Variants in DMD observed in about 807,000 individuals in gnomAD.
DMD encodes the protein mutant dystrophin.
Under a neutral mutation model 330.1 loss-of-function variants are expected in DMD, and 63 were observed. The observed-to-expected ratio is 0.19, with a 90% CI of 0.16 to 0.24. The LOEUF is 0.24. Ranked by LOEUF, DMD falls within the 10% of genes least tolerant of loss-of-function variation. DMD has a pLI of 1.00. For missense variants in DMD, 3,344 were observed against 2,684.1 expected (o/e 1.25, Z -5.43); for synonymous variants, 1,223 against 959.8 (o/e 1.27, Z -5.07).
intron 44 of DMD, among the ~76,000 whole-genome samples, chrX:31,971,232 G>A (rs2095396371): frequency 8.9e-6 from 1 of 111,911 alleles, no homozygotes; most frequent in Non-Finnish European, 1.9e-5. Flanking sequence ...AATTCTTATT[G>A]CTGCTTATAA....
At chrX:31,434,418 G>GCGCACACACACA (rs1195150508) in intron 60 of DMD, among the ~76,000 whole-genome samples, 1 of 78,046 alleles carries the variant, frequency 1.3e-5, no homozygotes, top group Non-Finnish European at 2.6e-5. Flanking sequence ...CAGCGCGCGC[G>GCGCACACACACA]CACACACACA....
chrX:32,922,389 T>C (rs962020526), intron 2 of DMD, among the ~76,000 whole-genome samples: 1 of 111,722 alleles, frequency 9.0e-6, no homozygotes, highest in Non-Finnish European at 1.9e-5. Flanking sequence ...TTTATGTGTT[T>C]ACTTAGAGGA....
chrX:31,480,613 T>C (rs982612401), intron 57 of DMD, among the ~76,000 whole-genome samples: 1 of 107,943 alleles, frequency 9.3e-6, no homozygotes, highest in African/African-American at 3.4e-5. Context: ...TGTTGTATTC[T>C]TGTGTTTTTT....
At chrX:32,619,844 A>G (rs2057860863) in intron 11 of DMD, among the ~76,000 whole-genome samples, 1 of 111,962 alleles carries the variant, frequency 8.9e-6, no homozygotes, top group Non-Finnish European at 1.9e-5. Context: ...ACTGGAAGAA[A>G]AAAGGAAGAG....
chrX:31,447,260 A>AT lies in DMD; in HGVS notation c.8938-2634dup, dbSNP rs72227601. Reference sequence around the variant, plus strand: ...TTAAACTTTACCATAAGATCTTGGGATTTTTTTTTTTTTTTTTTTTTTTTT... The same window carrying AT: ...TTAAACTTTACCATAAGATCTTGGGATTTTTTTTTTTTTTTTTTTTTTTTTT... On this transcript the variant is annotated intron_variant, in intron 59 of 78. Coordinates refer to ENST00000357033, the MANE Select transcript of DMD (RefSeq NM_004006.3). 6.1e-3 allele frequency among the ~76,000 whole-genome samples: 322 copies of AT among 52,454 alleles called. 3 individuals are homozygous for AT. Among genetic ancestry groups the AT allele is most frequent in the Middle Eastern group, 0.022 (1 of 45 alleles). The allele number at this position is 52,454 out of a possible 115,157, so 45.5% of individuals were successfully genotyped here.
intron 9 of DMD, among the ~76,000 whole-genome samples, chrX:32,649,559 T>TAAA (rs1161462889): frequency 8.1e-4 from 44 of 54,250 alleles, no homozygotes; most frequent in Non-Finnish European, 1.2e-3. Context: ...CCGTCTCTTT[T>TAAA]AAAAAAAAAA....
At chrX:31,715,164 G>T (rs2084927676) in intron 52 of DMD, among the ~76,000 whole-genome samples, 1 of 103,754 alleles carries the variant, frequency 9.6e-6, no homozygotes, top group Non-Finnish European at 1.9e-5. Context: ...ATAAGAAAAA[G>T]AAAGTTTTAT....
chrX:32,907,266 T>G (rs1337998498), intron 2 of DMD, among the ~76,000 whole-genome samples: 1 of 112,459 alleles, frequency 8.9e-6, no homozygotes, highest in East Asian at 2.8e-4. Context: ...ATATTGGTAT[T>G]CACATAACTG....
At chrX:31,344,811 C>T (rs1468327255) in intron 61 of DMD, among the ~76,000 whole-genome samples, 3 of 110,282 alleles carry the variant, frequency 2.7e-5, no homozygotes, top group Non-Finnish European at 5.7e-5. Flanking sequence ...AGATTGCACT[C>T]TGTCTCAAAA....
intron 1 of DMD, among the ~76,000 whole-genome samples, chrX:33,220,506 A>C (rs2052155174): frequency 8.9e-6 from 1 of 112,054 alleles, no homozygotes; most frequent in Non-Finnish European, 1.9e-5. Flanking sequence ...AAAATTCATC[A>C]TACATGTTTT....
At chrX:32,654,521 G>A (rs182706464) in intron 9 of DMD, among the ~76,000 whole-genome samples, 1,229 of 111,672 alleles carry the variant, frequency 0.011, 12 homozygotes, top group African/African-American at 0.038. Context: ...TGGTGGATAA[G>A]CTTTTTGATG....
chrX:32,920,008 T>C (rs1195332847), intron 2 of DMD, among the ~76,000 whole-genome samples: 2 of 111,394 alleles, frequency 1.8e-5, no homozygotes, highest in Non-Finnish European at 1.9e-5. Context: ...AAAAGGAAGA[T>C]TGAAACTTAA....
chrX:31,800,516 C>T (rs1312671230), intron 50 of DMD, among the ~76,000 whole-genome samples: 3 of 112,245 alleles, frequency 2.7e-5, no homozygotes, highest in Admixed American at 1.9e-4. Flanking sequence ...TTTTAGGCCT[C>T]TGGGCTTGTG....
rs2059694784 is a variant in DMD at position 32,645,009 on chromosome X, A to T, written c.1104T>A (p.Ile368=). Residue 368 remains isoleucine (I), a synonymous_variant, in exon 10 of 79, where the codon ATT becomes ATA. Transcript: ENST00000357033. ...AEDTLQAQGE[I]SNDVEVVKDQ... ...CTTTCACCACTTCCACATCATTAGA[A>T]ATCTCTCCTTGTGCTTGCAATGTGT... The T allele has an allele frequency of 2.5e-6, 3 of 1,211,598 alleles. No individual in the cohort carries two copies. Among genetic ancestry groups the T allele is most frequent in the Middle Eastern group, 2.3e-4 (1 of 4,355 alleles).
intron 1 of DMD, among the ~76,000 whole-genome samples, chrX:33,073,222 G>C (rs1035809071): frequency 9.0e-6 from 1 of 111,555 alleles, no homozygotes; most frequent in African/African-American, 3.3e-5. Flanking sequence ...AACCCTGAGA[G>C]GGACATGTTT....
chrX:31,659,412 G>A (rs1360839355), intron 53 of DMD, among the ~76,000 whole-genome samples: 2 of 110,238 alleles, frequency 1.8e-5, no homozygotes, highest in Non-Finnish European at 3.8e-5. Context: ...AGGCCAAGGC[G>A]GGTGGATCAC....
chrX:32,664,534 T>C (rs970726856), intron 9 of DMD, among the ~76,000 whole-genome samples: 12 of 111,195 alleles, frequency 1.1e-4, no homozygotes, highest in Non-Finnish European at 9.4e-5. Context: ...AGCCACCGCA[T>C]CCGGCCAAAC....
intron 44 of DMD, among the ~76,000 whole-genome samples, chrX:32,080,170 G>A (rs1220585539): frequency 3.6e-5 from 4 of 112,070 alleles, no homozygotes; most frequent in East Asian, 2.8e-4. Context: ...GCAAGGAGAC[G>A]AGTAATGCAA....
At chrX:33,023,266 T>C (rs1302606974) in intron 1 of DMD, among the ~76,000 whole-genome samples, 2 of 112,196 alleles carry the variant, frequency 1.8e-5, no homozygotes, top group African/African-American at 6.5e-5. Context: ...TTTTGTTTGC[T>C]ATTAGAGACT....
Sources: gnomAD v4.1 joint callset for allele counts (sites outside exome capture counted in the v4.1 genomes callset) on GRCh38, gnomAD v4.1.1 for gene constraint, MANE v1.5 for transcripts, NCBI Gene and HGNC (gene_info 2026-07-23, HGNC 2026-07-21) for gene names.